VWA8: variants seen among roughly 807,000 people sequenced by gnomAD.
The protein encoded by VWA8 is von Willebrand factor A domain containing 8.
Under a neutral mutation model 241.5 loss-of-function variants are expected in VWA8, and 221 were observed. That is an observed-to-expected ratio of 0.91 (90% confidence interval 0.82 to 1.02). VWA8 has a LOEUF of 1.02. VWA8 is among the 50% of genes least tolerant of loss of function. The pLI is 0.00. For missense variants in VWA8, 2,322 were observed against 2,328.7 expected (o/e 1.00, Z 0.06); for synonymous variants, 852 against 827.1 (o/e 1.03, Z -0.52).
At chr13:41,915,926 G>A (rs1876233179) in intron 2 of VWA8, among the ~76,000 whole-genome samples, 1 of 152,108 alleles carries the variant, frequency 6.6e-6, no homozygotes, top group African/African-American at 2.4e-5. Flanking sequence ...CAGGTACCAG[G>A]TAAACATACA....
chr13:41,638,847 T>TG (rs2044776327), intron 37 of VWA8, among the ~76,000 whole-genome samples: 1 of 152,150 alleles, frequency 6.6e-6, no homozygotes, highest in African/African-American at 2.4e-5. Flanking sequence ...TAAATGCTGA[T>TG]GGGAGGAATC....
At chr13:41,890,491 G>A (rs188082675) in intron 5 of VWA8, among the ~76,000 whole-genome samples, 31 of 152,312 alleles carry the variant, frequency 2.0e-4, no homozygotes, top group African/African-American at 7.0e-4. Context: ...GACATTACAT[G>A]AACCCATCTC....
At chr13:41,687,385 T>C (rs1488214766) in intron 34 of VWA8, among the ~76,000 whole-genome samples, 1 of 152,192 alleles carries the variant, frequency 6.6e-6, no homozygotes, top group East Asian at 1.9e-4. Context: ...TGGTATTAGA[T>C]TTTAAAAGTT....
intron 3 of VWA8, among the ~76,000 whole-genome samples, chr13:41,911,239 T>A (rs1050280671): frequency 1.3e-5 from 2 of 151,984 alleles, no homozygotes; most frequent in Non-Finnish European, 2.9e-5. Flanking sequence ...AATTTTTGTA[T>A]TTTTAGTAGA....
chr13:41,778,972 G>C (rs905313870), intron 19 of VWA8, among the ~76,000 whole-genome samples: 14 of 149,188 alleles, frequency 9.4e-5, no homozygotes, highest in Non-Finnish European at 1.5e-4. Context: ...CTCCCGAGTA[G>C]CTGGGACTAC....
At chr13:41,782,472 G>A (rs895111411) in intron 19 of VWA8, among the ~76,000 whole-genome samples, 6 of 152,092 alleles carry the variant, frequency 3.9e-5, no homozygotes, top group African/African-American at 1.4e-4. Context: ...GCCTTTGACA[G>A]GCAAGTTTTC....
At chr13:41,937,948 G>A (rs1466042057) in intron 2 of VWA8, among the ~76,000 whole-genome samples, 1 of 152,084 alleles carries the variant, frequency 6.6e-6, no homozygotes, top group Non-Finnish European at 1.5e-5. Flanking sequence ...ATCACCTGAG[G>A]TCATGAGTTT....
At chr13:41,628,472 A>G (rs576441242) in intron 37 of VWA8, among the ~76,000 whole-genome samples, 7 of 152,334 alleles carry the variant, frequency 4.6e-5, no homozygotes, top group African/African-American at 1.7e-4. Flanking sequence ...CACATTTAAA[A>G]TGTGCATGTA....
At chr13:41,887,148 A>G in intron 6 of VWA8, 49 bp downstream of exon 6, 1 of 1,576,842 alleles carries the variant, frequency 6.3e-7, no homozygotes, top group Non-Finnish European at 8.6e-7. Flanking sequence ...AGTTCTTGTT[A>G]TAAATAGAAA....
chr13:41,881,859 A>C (rs1193702671), intron 9 of VWA8, among the ~76,000 whole-genome samples: 2 of 107,688 alleles, frequency 1.9e-5, no homozygotes, highest in African/African-American at 4.1e-5. Context: ...CGGGGGGCTG[A>C]CCCCCCCACC....
At chr13:41,636,122 C>T (rs148969423) in intron 37 of VWA8, among the ~76,000 whole-genome samples, 12 of 152,216 alleles carry the variant, frequency 7.9e-5, no homozygotes, top group South Asian at 6.2e-4. Context: ...TAAATGTATT[C>T]TTCCTTATTA....
intron 14 of VWA8, among the ~76,000 whole-genome samples, chr13:41,828,226 C>T (rs1871263213): frequency 6.6e-6 from 1 of 151,980 alleles, no homozygotes; most frequent in Non-Finnish European, 1.5e-5. Flanking sequence ...GAAAAAATTC[C>T]AAGAAATTTT....
chr13:41,692,047 T>C (rs1310102297), intron 30 of VWA8, 109 bp from the exon 31 acceptor site: 9 of 672,450 alleles, frequency 1.3e-5, no homozygotes, highest in Non-Finnish European at 2.3e-5. Context: ...TAGTAAAACA[T>C]GTAATTCTCA....
At chr13:41,890,607 A>G (rs1036741975) in intron 5 of VWA8, among the ~76,000 whole-genome samples, 10 of 152,218 alleles carry the variant, frequency 6.6e-5, no homozygotes. Flanking sequence ...CATTCAACAA[A>G]TAGTTTTTAA....
intron 20 of VWA8, among the ~76,000 whole-genome samples, chr13:41,775,129 G>A (rs939101941): frequency 1.3e-5 from 2 of 152,216 alleles, no homozygotes; most frequent in Admixed American, 1.3e-4. Flanking sequence ...GCTGAAAGCA[G>A]AGCAGGATTA....
At chr13:41,942,806 T>C (rs1877662942) in intron 2 of VWA8, among the ~76,000 whole-genome samples, 2 of 152,198 alleles carry the variant, frequency 1.3e-5, no homozygotes, top group Admixed American at 6.5e-5. Context: ...CTTTATCCAG[T>C]GCAAGACAGC....
chr13:41,612,606 A>G (rs2044596733), intron 38 of VWA8, among the ~76,000 whole-genome samples: 1 of 152,240 alleles, frequency 6.6e-6, no homozygotes, highest in Non-Finnish European at 1.5e-5. Flanking sequence ...AGAGAAAAAA[A>G]CACATCTGTT....
intron 8 of VWA8, 25 bp downstream of exon 8, chr13:41,885,895 C>G: frequency 6.7e-7 from 1 of 1,501,444 alleles, no homozygotes; most frequent in Non-Finnish European, 9.0e-7. Context: ...TTTGGGTATG[C>G]CAGTCATTAA....
At chr13:41,618,110 C>T (rs1267138190) in intron 37 of VWA8, among the ~76,000 whole-genome samples, 1 of 152,176 alleles carries the variant, frequency 6.6e-6, no homozygotes, top group Non-Finnish European at 1.5e-5. Flanking sequence ...TAAAAGCGTT[C>T]CTATTTCTCC....
Sources: gnomAD v4.1 joint callset for allele counts (sites outside exome capture counted in the v4.1 genomes callset) on GRCh38, gnomAD v4.1.1 for gene constraint, MANE v1.5 for transcripts, NCBI Gene and HGNC (gene_info 2026-07-23, HGNC 2026-07-21) for gene names.